TAFA5: variants seen among roughly 807,000 people sequenced by gnomAD.
TAFA5 encodes the protein TAFA chemokine like family member 5, also known as chemokine-like protein TAFA-5.
A neutral mutation model predicts 15.3 loss-of-function variants in TAFA5; 6 were observed. The ratio of observed to expected loss-of-function variants is 0.39; its 90% CI spans 0.21 to 0.77. The LOEUF is 0.77. Among genes scored for constraint, TAFA5 ranks in the 30% least tolerant of loss-of-function variants. TAFA5 has a pLI of 0.41. For missense variants in TAFA5, 161 were observed against 193.1 expected (o/e 0.83, Z 0.98); for synonymous variants, 103 against 80.7 (o/e 1.28, Z -1.48).
chr22:48,666,803 C>T (rs1253720537), intron 2 of TAFA5, among the ~76,000 whole-genome samples: 1 of 152,324 alleles, frequency 6.6e-6, no homozygotes, highest in East Asian at 1.9e-4. Context: ...CTGGGAGACA[C>T]AGGCACCGCA....
At chr22:48,634,688 CTCAG>C (rs1009270631) in intron 1 of TAFA5, among the ~76,000 whole-genome samples, 2,060 of 152,228 alleles carry the variant, frequency 0.014, 21 homozygotes, top group Non-Finnish European at 0.022. Context: ...CAGTCAATCA[CTCAG>C]TCAGTCATTC....
intron 1 of TAFA5, among the ~76,000 whole-genome samples, chr22:48,558,715 G>A (rs1481299514): frequency 2.0e-5 from 3 of 152,326 alleles, no homozygotes; most frequent in South Asian, 2.1e-4. Flanking sequence ...GTAGACCAGC[G>A]AGGTCCAGTC....
At chr22:48,558,840 G>A (rs974690522) in intron 1 of TAFA5, among the ~76,000 whole-genome samples, 5 of 152,228 alleles carry the variant, frequency 3.3e-5, no homozygotes, top group African/African-American at 9.6e-5. Context: ...GTGCCTGGGC[G>A]AACGGCGGGC....
At chr22:48,585,334 C>T (rs1358491415) in intron 1 of TAFA5, among the ~76,000 whole-genome samples, 2 of 150,470 alleles carry the variant, frequency 1.3e-5, no homozygotes, top group African/African-American at 4.9e-5. Flanking sequence ...TTCACACACA[C>T]ACACATAAAA....
At chr22:48,590,451 G>A (rs1277679475) in intron 1 of TAFA5, among the ~76,000 whole-genome samples, 1 of 152,222 alleles carries the variant, frequency 6.6e-6, no homozygotes, top group Non-Finnish European at 1.5e-5. Flanking sequence ...GCTGATGGGA[G>A]GTTTCTTTTT....
chr22:48,717,491 G>A (rs1464698025), intron 3 of TAFA5, among the ~76,000 whole-genome samples: 7 of 152,204 alleles, frequency 4.6e-5, no homozygotes, highest in South Asian at 2.1e-4. Context: ...GCAGGAATTC[G>A]CAAATGAATT....
chr22:48,548,080 A>C (rs1922737214), intron 1 of TAFA5, among the ~76,000 whole-genome samples: 1 of 152,180 alleles, frequency 6.6e-6, no homozygotes, highest in African/African-American at 2.4e-5. Context: ...CCGAGTGAAC[A>C]TGGCAGCTGG....
At chr22:48,504,348 G>T (rs1920972815) in intron 1 of TAFA5, among the ~76,000 whole-genome samples, 1 of 152,190 alleles carries the variant, frequency 6.6e-6, no homozygotes, top group Admixed American at 6.5e-5. Flanking sequence ...TGCTTAGGGA[G>T]CCCTCCCCAT....
chr22:48,527,737 A>C lies in TAFA5; in HGVS notation c.112+38033A>C, dbSNP rs191230779. Among the ~76,000 whole-genome samples, 531 of 152,130 alleles carry C rather than the reference A, an allele frequency of 3.5e-3. 3 individuals carry two copies. Among genetic ancestry groups the C allele is most frequent in the Non-Finnish European group, 5.5e-3 (376 of 67,962 alleles). On this transcript the variant is annotated intron_variant, in intron 1 of 3. Transcript: ENST00000402357. Reference sequence around the variant, plus strand: ...TCTGTGGGCCTCTGCCCTAGCTCAGACCCTTCCTGGGTCAGCCTCTGTCGT... The same window carrying C: ...TCTGTGGGCCTCTGCCCTAGCTCAGCCCCTTCCTGGGTCAGCCTCTGTCGT...
At chr22:48,584,864 C>A (rs1216538411) in intron 1 of TAFA5, among the ~76,000 whole-genome samples, 1 of 147,486 alleles carries the variant, frequency 6.8e-6, no homozygotes, top group Non-Finnish European at 1.5e-5. Context: ...GCTAAATACA[C>A]CACATACCAC....
intron 1 of TAFA5, among the ~76,000 whole-genome samples, chr22:48,519,015 G>T (rs1921514400): frequency 6.6e-6 from 1 of 152,222 alleles, no homozygotes; most frequent in Non-Finnish European, 1.5e-5. Context: ...AGTGCAGCAG[G>T]GAGGACGCCT....
chr22:48,496,776 C>A (rs1569159169), intron 1 of TAFA5, among the ~76,000 whole-genome samples: 2 of 152,176 alleles, frequency 1.3e-5, no homozygotes, highest in Admixed American at 1.3e-4. Context: ...CCCTGGTTTC[C>A]TGGGGGTTAA....
intron 1 of TAFA5, among the ~76,000 whole-genome samples, chr22:48,528,332 C>T (rs1311336906): frequency 2.0e-5 from 3 of 152,130 alleles, no homozygotes; most frequent in Non-Finnish European, 4.4e-5. Flanking sequence ...CTGGGTGCAT[C>T]GTGTCTCCAG....
At chr22:48,698,962 G>A (rs1375539567) in intron 2 of TAFA5, among the ~76,000 whole-genome samples, 34 of 138,204 alleles carry the variant, frequency 2.5e-4, no homozygotes, top group African/African-American at 7.5e-4. Flanking sequence ...TTTTTGGCGC[G>A]ACCAAGGCTC....
At chr22:48,522,413 C>T (rs1308284479) in intron 1 of TAFA5, among the ~76,000 whole-genome samples, 7 of 152,108 alleles carry the variant, frequency 4.6e-5, no homozygotes, top group South Asian at 2.1e-4. Flanking sequence ...CCACTGGCAC[C>T]GGCGGCCCCA....
intron 1 of TAFA5, among the ~76,000 whole-genome samples, chr22:48,632,706 A>G (rs2147190574): frequency 6.6e-6 from 1 of 152,246 alleles, no homozygotes; most frequent in East Asian, 1.9e-4. Context: ...TTTTTCAGTC[A>G]TGGATGCCTT....
intron 3 of TAFA5, among the ~76,000 whole-genome samples, chr22:48,738,127 G>A (rs1463530112): frequency 6.6e-6 from 1 of 152,164 alleles, no homozygotes; most frequent in African/African-American, 2.4e-5. Context: ...GGCTGCCGGG[G>A]CCAAGTGTGA....
Position 48,660,217 on chromosome 22 carries a change from C to T in TAFA5, c.262+13471C>T, listed in dbSNP as rs1927387991. ...ACGCTGTGCCCTCACTGTCCCATCT[C>T]CCAGTGCCTGGCAAGGAAGTTGTTG... On this transcript the variant is annotated intron_variant, in intron 2 of 3. Transcript: ENST00000402357. Among the ~76,000 whole-genome samples the T allele has an allele frequency of 4.6e-5, 7 of 152,194 alleles. No homozygotes were observed. The South Asian group carries it at 1.2e-3, about 27-fold the overall frequency.
intron 1 of TAFA5, among the ~76,000 whole-genome samples, chr22:48,555,637 C>G (rs1431154680): frequency 6.6e-6 from 1 of 152,206 alleles, no homozygotes; most frequent in South Asian, 2.1e-4. Context: ...GTGCACCCCC[C>G]ACGCCACGGG....
Sources: gnomAD v4.1 joint callset for allele counts (sites outside exome capture counted in the v4.1 genomes callset) on GRCh38, gnomAD v4.1.1 for gene constraint, MANE v1.5 for transcripts, NCBI Gene and HGNC (gene_info 2026-07-23, HGNC 2026-07-21) for gene names.